NAV2: variants seen among roughly 807,000 people sequenced by gnomAD.
The protein encoded by NAV2 is helicase, APC down-regulated 1.
Under a neutral mutation model 223.2 loss-of-function variants are expected in NAV2, and 54 were observed. That is an observed-to-expected ratio of 0.24 (90% CI 0.19 to 0.30). The LOEUF is 0.30. Ranked by LOEUF, NAV2 falls within the 10% of genes least tolerant of loss-of-function variation. The probability of loss-of-function intolerance (pLI) is 1.00; values close to 1 mark genes in which losing one functional copy is unlikely to be tolerated. For missense variants in NAV2, 2,806 were observed against 3,147.5 expected, an observed-to-expected ratio of 0.89 and a Z score of 2.60; for synonymous variants, 1,279 against 1,239.3, an observed-to-expected ratio of 1.03 and a Z score of -0.67.
chr11:20,068,415 G>C lies in NAV2; in HGVS notation c.4983+17G>C, dbSNP rs556063766. 6.2e-7 allele frequency: 1 copy of C among 1,603,150 alleles called. No homozygotes were observed. Among genetic ancestry groups the C allele is most frequent in the Admixed American group, 1.7e-5 (1 of 59,988 alleles). On this transcript the variant is annotated intron_variant, in intron 22 of 37. Transcript: ENST00000349880. ...ACAGCAAATGTAAGTACAGACATAG[G>C]GCAGTAGCATCGGGACAGGAAGCAC... is the stretch of plus-strand genomic sequence containing the variant.
intron 1 of NAV2, among the ~76,000 whole-genome samples, chr11:19,415,271 T>G (rs1292131977): frequency 6.6e-6 from 1 of 152,168 alleles, no homozygotes; most frequent in African/African-American, 2.4e-5. Flanking sequence ...ATATCACTAC[T>G]GATCTTACAG....
intron 20 of NAV2, among the ~76,000 whole-genome samples, chr11:20,063,521 C>G (rs1031850686): frequency 5.3e-5 from 8 of 152,108 alleles, no homozygotes; most frequent in Non-Finnish European, 1.5e-5. Context: ...TACAGGCAGG[C>G]ACCACCATGC....
At position 19,438,833 on chromosome 11, in the gene NAV2, G is replaced by T. The variant is rs564511075; in HGVS notation, c.75+87806G>T. 1.6e-4 allele frequency among the ~76,000 whole-genome samples: 25 copies of T among 152,186 alleles called. No homozygotes were observed. The South Asian group carries it at 4.4e-3, about 26-fold the overall frequency. ...AGAGTGTGCCACCCTCCTGGCATGT[G>T]GATGCATTCCAACCCAAAGGCTCTC... On this transcript the variant is annotated intron_variant, in intron 1 of 37. Transcript: ENST00000360655.
Position 19,437,144 on chromosome 11 carries a change from T to C in NAV2, c.75+86117T>C, listed in dbSNP as rs139256976. ...CAGTGCATTTCTAGATAATGTGATCTATCACAAAGGAAACTGACCACTCAT... is the reference window on the plus strand; with the variant it reads ...CAGTGCATTTCTAGATAATGTGATCCATCACAAAGGAAACTGACCACTCAT... On this transcript the variant is annotated intron_variant, in intron 1 of 37. Coordinates refer to the NAV2 transcript ENST00000360655. 5.3e-3 allele frequency among the ~76,000 whole-genome samples: 800 copies of C among 152,310 alleles called. 4 individuals carry two copies. Among genetic ancestry groups the C allele is most frequent in the African/African-American group, 0.018 (768 of 41,578 alleles).
At chr11:19,979,022 C>T (rs1388185434) in intron 10 of NAV2, 1 of 152,146 alleles carries the variant, frequency 6.6e-6, no homozygotes, top group Non-Finnish European at 1.5e-5. Context: ...TTTTTCATAG[C>T]TAGTGTCAGT....
At chr11:19,618,860 C>T (rs1409470633) in intron 1 of NAV2, among the ~76,000 whole-genome samples, 1 of 151,324 alleles carries the variant, frequency 6.6e-6, no homozygotes, top group African/African-American at 2.4e-5. Flanking sequence ...AGAAGAGAGA[C>T]CCACTTTGGC....
At chr11:19,907,488 A>G (rs950335899) in intron 6 of NAV2, among the ~76,000 whole-genome samples, 2 of 151,298 alleles carry the variant, frequency 1.3e-5, no homozygotes, top group African/African-American at 4.9e-5. Context: ...TAGAAATGTC[A>G]CTTATTGATT....
At position 19,843,574 on chromosome 11, in the gene NAV2, T is replaced by C. The variant is rs1389142328; in HGVS notation, c.438+651T>C. ...ATCTTTGAATTAAAATTTATCGTCA[T>C]TGTTGAGTTCAGAAAACATTGGCTT... On this transcript the variant is annotated intron_variant, in intron 3 of 37. Coordinates refer to ENST00000349880, the MANE Select transcript of NAV2 (RefSeq NM_145117.5). 2.6e-5 allele frequency among the ~76,000 whole-genome samples: 4 copies of C among 152,228 alleles called. No individual in the cohort carries two copies. In the South Asian group the frequency reaches 6.2e-4, roughly 24 times the overall value.
At chr11:19,391,681 GT>G (rs1434106051) in intron 1 of NAV2, among the ~76,000 whole-genome samples, 3 of 152,048 alleles carry the variant, frequency 2.0e-5, no homozygotes, top group African/African-American at 7.2e-5. Flanking sequence ...GTGTGGGGCA[GT>G]GGGGGAGGGG....
At chr11:19,510,790 G>A (rs1311734267) in intron 1 of NAV2, 1 of 152,150 alleles carries the variant, frequency 6.6e-6, no homozygotes. Context: ...TTCTCTTCTT[G>A]CTTCTCATGG....
intron 1 of NAV2, among the ~76,000 whole-genome samples, chr11:19,566,332 C>G (rs2045268658): frequency 6.6e-6 from 1 of 152,114 alleles, no homozygotes; most frequent in Non-Finnish European, 1.5e-5. Flanking sequence ...CCCACCTCGG[C>G]CTCCCAAAGT....
At chr11:19,385,448 C>T (rs551999522) in intron 1 of NAV2, among the ~76,000 whole-genome samples, 2 of 152,298 alleles carry the variant, frequency 1.3e-5, no homozygotes, top group Non-Finnish European at 2.9e-5. Context: ...ATAGCTAGTG[C>T]TATTTATCAT....
intron 1 of NAV2, among the ~76,000 whole-genome samples, chr11:19,521,307 C>T (rs567032104): frequency 6.6e-6 from 1 of 152,226 alleles, no homozygotes; most frequent in South Asian, 2.1e-4. Flanking sequence ...CTCTTGGAGA[C>T]CATGGACCCA....
rs1000286986 is a variant in NAV2 at position 19,959,262 on chromosome 11, C to T, written c.2645+10182C>T. On this transcript the variant is annotated intron_variant, in intron 10 of 37. Transcript: ENST00000349880. ...TGATTCCAGGAGCCTTAGGAAAACC[C>T]AGTCCCACAGCCTGCCAACTCTTGT... Among the ~76,000 whole-genome samples the T allele has an allele frequency of 5.9e-5, 9 of 152,266 alleles. No individual in the cohort carries two copies. The South Asian group carries it at 1.5e-3, about 25-fold the overall frequency.
chr11:20,048,239 T>A (rs894968161), intron 14 of NAV2, among the ~76,000 whole-genome samples: 9 of 152,188 alleles, frequency 5.9e-5, no homozygotes, highest in African/African-American at 9.7e-5. Flanking sequence ...CAGATCTAAA[T>A]TCATGCTCTT....
intron 22 of NAV2, 117 bp downstream of exon 22, chr11:20,068,515 C>T: frequency 1.3e-6 from 1 of 787,062 alleles, no homozygotes; most frequent in Non-Finnish European, 2.2e-6. Context: ...AAGAAAAAGA[C>T]ACAGGCTTTG....
intron 3 of NAV2, among the ~76,000 whole-genome samples, chr11:19,859,384 C>T (rs2061563022): frequency 1.3e-5 from 2 of 150,292 alleles, no homozygotes; most frequent in South Asian, 4.4e-4. Flanking sequence ...TAACAAAGCA[C>T]ATCTTGCACC....
At chr11:19,840,518 G>T (rs925081665) in intron 2 of NAV2, among the ~76,000 whole-genome samples, 8 of 152,168 alleles carry the variant, frequency 5.3e-5, no homozygotes, top group African/African-American at 1.9e-4. Context: ...AATGACTTAT[G>T]ACTTTGGCCA....
At chr11:19,696,412 C>A (rs950352395) in intron 1 of NAV2, among the ~76,000 whole-genome samples, 2 of 152,234 alleles carry the variant, frequency 1.3e-5, no homozygotes, top group Non-Finnish European at 2.9e-5. Context: ...GCCCAAAAAT[C>A]TATCTCATAT....
Sources: gnomAD v4.1 joint callset for allele counts (sites outside exome capture counted in the v4.1 genomes callset) on GRCh38, gnomAD v4.1.1 for gene constraint, MANE v1.5 for transcripts, NCBI Gene and HGNC (gene_info 2026-07-23, HGNC 2026-07-21) for gene names.